The following MFSD6 variants were observed in gnomAD, a reference collection of about 807,000 sequenced individuals.
MFSD6 encodes major facilitator superfamily domain containing 6.
In MFSD6, 26 loss-of-function variants were observed where a neutral mutation model predicts 56.3. That is an observed-to-expected ratio of 0.46 (90% CI 0.34 to 0.64). The LOEUF is 0.64. MFSD6 is among the 30% of genes least tolerant of loss of function. MFSD6 has a pLI of 0.01. For missense variants in MFSD6, 750 were observed against 986.2 expected (o/e 0.76, Z 3.21); for synonymous variants, 331 against 366.9 (o/e 0.90, Z 1.12).
At chr2:190,481,103 G>T (rs770248029) in intron 4 of MFSD6, among the ~76,000 whole-genome samples, 1 of 152,204 alleles carries the variant, frequency 6.6e-6, no homozygotes, top group Non-Finnish European at 1.5e-5. Context: ...GTTCTCATGT[G>T]TGGCTTCAGG....
At position 190,497,500 on chromosome 2, in the gene MFSD6, C is replaced by G; in HGVS notation, c.1953C>G (p.Ile651Met). 2.5e-6 allele frequency: 4 copies of G among 1,614,162 alleles called. No homozygotes were observed. Among genetic ancestry groups the G allele is most frequent in the Non-Finnish European group, 3.4e-6 (4 of 1,180,002 alleles). Residue 651 changes from isoleucine (I) to methionine (M), a missense_variant, in exon 7 of 8, where the codon ATC becomes ATG. By Grantham distance (10) the Ile-to-Met change is conservative. Around this residue, in one of 5 missense-constraint regions of MFSD6, gnomAD observed 172 missense variants for 203.9 expected, o/e 0.84. Transcript: ENST00000392328. This position sits in a 1 kb window ranked among gnomAD's most constrained non-coding sequence, Gnocchi z 5.2. ...CCAGTCCCGTTCCTATAGCAACCAT[C>G]GACTTGGTACAGCAACAGACAGAAG... ...VPSSPVPIATIDLVQQQTEDV... is the reference protein window; with the variant it reads ...VPSSPVPIATMDLVQQQTEDV...
rs145905229 is a variant in MFSD6 at position 190,463,576 on chromosome 2, T to C, written c.1533-6182T>C. Among the ~76,000 whole-genome samples, 340 of 152,234 alleles carry C rather than the reference T, an allele frequency of 2.2e-3. 4 individuals are homozygous for C. Among genetic ancestry groups the C allele is most frequent in the African/African-American group, 7.7e-3 (319 of 41,548 alleles). ...GGCTCATGCCTATAATCCCAGCAAC[T>C]TTGGGAGGCTGAGATAGGAGGATTG... is the stretch of plus-strand genomic sequence containing the variant. On this transcript the variant is annotated intron_variant, in intron 3 of 7. Transcript: ENST00000392328. The surrounding 1 kb of genome is among the most constrained non-coding windows in gnomAD (Gnocchi z 4.4).
At position 190,500,767 on chromosome 2, in the gene MFSD6, A is replaced by T. The variant is rs1240130433; in HGVS notation, c.*549A>T. The T allele has an allele frequency of 6.5e-6, 1 of 152,920 alleles. No individual in the cohort carries two copies. The highest frequency in any genetic ancestry group is 2.4e-5 in the African/African-American group (1 of 41,476). The allele number at this position is 152,920 out of a possible 1,614,324, so 9.5% of individuals were successfully genotyped here. On this transcript the variant is annotated 3_prime_UTR_variant, in exon 8 of 8. Coordinates refer to ENST00000392328, the MANE Select transcript of MFSD6 (RefSeq NM_017694.4). The surrounding 1 kb of genome is among the most constrained non-coding windows in gnomAD (Gnocchi z 5.3). ...TGTTAAAAATAAAGTTAAAAGTTAA[A>T]GTTAAAAAATGAAGTTAAAAGTTTC...
chr2:190,494,505 C>T lies in MFSD6; in HGVS notation c.1892-2934C>T, dbSNP rs890586509. ...TCCTCCCTAAAACATTCTATGAAGC[C>T]AGTATCACCCTAATAACAAAACCAG... is the stretch of plus-strand genomic sequence containing the variant. On this transcript the variant is annotated intron_variant, in intron 6 of 7. Coordinates refer to ENST00000392328, the MANE Select transcript of MFSD6 (RefSeq NM_017694.4). The surrounding 1 kb of genome is among the most constrained non-coding windows in gnomAD (Gnocchi z 5.7). Among the ~76,000 whole-genome samples, 5 of 152,096 alleles carry T rather than the reference C, an allele frequency of 3.3e-5. No homozygotes were observed. Among genetic ancestry groups the T allele is most frequent in the Admixed American group, 2.0e-4 (3 of 15,274 alleles).
rs138561393 is a variant in MFSD6, at chr2:190,487,172, C to G, written c.1631-1485C>G. 9.1e-3 allele frequency among the ~76,000 whole-genome samples: 1,379 copies of G among 152,100 alleles called. 24 individuals are homozygous for G. Among genetic ancestry groups the G allele is most frequent in the Middle Eastern group, 0.051 (15 of 294 alleles). On this transcript the variant is annotated intron_variant, in intron 4 of 7. Coordinates refer to ENST00000392328, the MANE Select transcript of MFSD6 (RefSeq NM_017694.4). This position sits in a 1 kb window ranked among gnomAD's most constrained non-coding sequence, Gnocchi z 5.5. ...CCTGGCCAACGTGGTGAAACCCTGT[C>G]TCTACTAAAAATACAAAAATTAGCT...
In MFSD6 at chr2:190,499,421, T is replaced by C. The variant is rs1056831422; in HGVS notation, c.2173-594T>C. 6.6e-6 allele frequency among the ~76,000 whole-genome samples: 1 copy of C among 152,218 alleles called. No homozygotes were observed. The highest frequency in any genetic ancestry group is 2.1e-4 in the South Asian group (1 of 4,834). Reference sequence around the variant, plus strand: ...ATTGCTGCTGGTGATGTTCTACTCATGGTTATTTACAGTTGGTTACACAAG... The same window carrying C: ...ATTGCTGCTGGTGATGTTCTACTCACGGTTATTTACAGTTGGTTACACAAG... On this transcript the variant is annotated intron_variant, in intron 7 of 7. Coordinates refer to ENST00000392328, the MANE Select transcript of MFSD6 (RefSeq NM_017694.4). The surrounding 1 kb of genome is among the most constrained non-coding windows in gnomAD (Gnocchi z 6.0).
At position 190,472,755 on chromosome 2, in the gene MFSD6, G is replaced by A. The variant is rs922132559; in HGVS notation, c.1630+2900G>A. On this transcript the variant is annotated intron_variant, in intron 4 of 7. Coordinates refer to ENST00000392328, the MANE Select transcript of MFSD6 (RefSeq NM_017694.4). ...TAGAGAAGCCACAAAGATACTCCTCGAGAAGAGCAACTCCAAGACACATAA... is the reference window on the plus strand; with the variant it reads ...TAGAGAAGCCACAAAGATACTCCTCAAGAAGAGCAACTCCAAGACACATAA... 5.3e-5 allele frequency among the ~76,000 whole-genome samples: 8 copies of A among 152,214 alleles called. No homozygotes were observed. The East Asian group carries it at 1.2e-3, about 22-fold the overall frequency.
rs1367585942 is a variant in MFSD6 at position 190,436,573 on chromosome 2, A to G, written c.544A>G (p.Asn182Asp). The stretch of plus-strand genomic sequence containing the variant: ...TCACCAGTTAACTATCCTGCCAACA[A>G]ATTCTTCCTTTACCTCTTTCCTCAC... ...ASHQLTILPT[N>D]SSFTSFLTIS... Residue 182 changes from asparagine to aspartate, a missense_variant, in exon 3 of 8, where the codon AAT becomes GAT. Asn to Asp is a conservative substitution (Grantham distance 23). This residue lies in a region of MFSD6 where 376 missense variants were observed against 437.9 expected (regional missense o/e 0.86). Coordinates refer to ENST00000392328, the MANE Select transcript of MFSD6 (RefSeq NM_017694.4). The surrounding 1 kb of genome is among the most constrained non-coding windows in gnomAD (Gnocchi z 5.3). The G allele has an allele frequency of 6.2e-7, 1 of 1,614,192 alleles. No individual in the cohort carries two copies. The highest frequency in any genetic ancestry group is 1.1e-5 in the South Asian group (1 of 91,078).
At position 190,437,550 on chromosome 2, in the gene MFSD6, C is replaced by T. The variant is rs111906485; in HGVS notation, c.1521C>T (p.Ile507=). ...YFFSHKLIEL[I]GHIRVLYIGL... ...TTAGTCACAAGCTTATTGAATTGAT[C>T]GGCCACATCAGGTAAGAACATGCTT... is the stretch of plus-strand genomic sequence containing the variant. Residue 507 remains isoleucine, a synonymous_variant, in exon 3 of 8, where the codon ATC becomes ATT. Coordinates refer to ENST00000392328, the MANE Select transcript of MFSD6 (RefSeq NM_017694.4). The surrounding 1 kb of genome is among the most constrained non-coding windows in gnomAD (Gnocchi z 5.9). 7.4e-5 allele frequency: 119 copies of T among 1,612,788 alleles called. 1 individual carries two copies. Among genetic ancestry groups the T allele is most frequent in the Admixed American group, 3.3e-4 (20 of 59,960 alleles).
chr2:190,480,798 A>G (rs1204212615), intron 4 of MFSD6, among the ~76,000 whole-genome samples: 1 of 152,250 alleles, frequency 6.6e-6, no homozygotes, highest in Non-Finnish European at 1.5e-5. Context: ...TAATCCATGC[A>G]AAGTATTTAG....
chr2:190,460,826 G>A (rs1166444998), intron 3 of MFSD6, among the ~76,000 whole-genome samples: 1 of 152,160 alleles, frequency 6.6e-6, no homozygotes, highest in East Asian at 1.9e-4. Flanking sequence ...CTGAGAGCTA[G>A]GCAGTGTTGT....
rs1690872228 is a variant in MFSD6 at position 190,418,288 on chromosome 2, C to CA, written c.-54+2877dup. On this transcript the variant is annotated intron_variant, in intron 2 of 7. Coordinates refer to ENST00000392328, the MANE Select transcript of MFSD6 (RefSeq NM_017694.4). This position sits in a 1 kb window ranked among gnomAD's most constrained non-coding sequence, Gnocchi z 4.1. ...GAGTTAATACATGCTAGGTTCATAGCAAGTGTTACTTAAGTGTTATTGTAT... is the reference window on the plus strand; with the variant it reads ...GAGTTAATACATGCTAGGTTCATAGCAAAGTGTTACTTAAGTGTTATTGTAT... Among the ~76,000 whole-genome samples, 1 of 152,142 alleles carries CA rather than the reference C, an allele frequency of 6.6e-6. No individual in the cohort carries two copies.
Position 190,488,888 on chromosome 2 carries a change from T to C in MFSD6, c.1792+70T>C. ...ATGATTTTTTCCAGCAATACCTCAA[T>C]AAACAATCCAATTATTACTGAAGAT... On this transcript the variant is annotated intron_variant, in intron 5 of 7. Transcript: ENST00000392328. This position sits in a 1 kb window ranked among gnomAD's most constrained non-coding sequence, Gnocchi z 6.4. 1.5e-6 allele frequency: 2 copies of C among 1,371,854 alleles called. No individual in the cohort carries two copies. Among genetic ancestry groups the C allele is most frequent in the South Asian group, 1.6e-5 (1 of 63,998 alleles). The allele number at this position is 1,371,854 out of a possible 1,614,324, so 85.0% of individuals were successfully genotyped here. A position where few individuals can be genotyped will look rare whatever the true frequency, so the allele number is the denominator to read the frequency against.
intron 4 of MFSD6, among the ~76,000 whole-genome samples, chr2:190,479,134 G>A (rs925193584): frequency 2.6e-5 from 4 of 152,164 alleles, no homozygotes; most frequent in Non-Finnish European, 5.9e-5. Flanking sequence ...TCTTCCCCAG[G>A]CCTATAGGAA....
rs1422260620 is a variant in MFSD6, at chr2:190,433,139, T to C, written c.-53-2838T>C. Among the ~76,000 whole-genome samples, 6 of 152,198 alleles carry C rather than the reference T, an allele frequency of 3.9e-5. No individual in the cohort carries two copies. Among genetic ancestry groups the C allele is most frequent in the Admixed American group, 2.0e-4 (3 of 15,276 alleles). ...GTGTGTGTATGTTTGGGTGTGTGTG[T>C]GTTTATTGTCATTTTAGTGGGTTCA... On this transcript the variant is annotated intron_variant, in intron 2 of 7. Coordinates refer to ENST00000392328, the MANE Select transcript of MFSD6 (RefSeq NM_017694.4). This position sits in a 1 kb window ranked among gnomAD's most constrained non-coding sequence, Gnocchi z 4.5.
rs1172776004 is a variant in MFSD6 at position 190,488,219 on chromosome 2, C to T, written c.1631-438C>T. Among the ~76,000 whole-genome samples the T allele has an allele frequency of 1.3e-5, 2 of 152,098 alleles. No individual in the cohort carries two copies. The highest frequency in any genetic ancestry group is 4.8e-5 in the African/African-American group (2 of 41,430). ...CCCAGCCACTCAAAAGAATTTAAAT[C>T]AAAGACTCAGATACTTGCATACCAG... On this transcript the variant is annotated intron_variant, in intron 4 of 7. Transcript: ENST00000392328. The surrounding 1 kb of genome is among the most constrained non-coding windows in gnomAD (Gnocchi z 6.4).
Position 190,412,390 on chromosome 2 carries a change from A to G in MFSD6, c.-175-2902A>G, listed in dbSNP as rs979548342. 2 of 984,876 alleles carry G rather than the reference A, an allele frequency of 2.0e-6. No homozygotes were observed. The highest frequency in any genetic ancestry group is 2.4e-6 in the Non-Finnish European group (2 of 829,508). 61.0% of individuals were successfully genotyped at this position (984,876 alleles called of 1,614,324 possible). A position where few individuals can be genotyped will look rare whatever the true frequency, so the allele number is the denominator to read the frequency against. On this transcript the variant is annotated intron_variant, in intron 1 of 7. Coordinates refer to ENST00000392328, the MANE Select transcript of MFSD6 (RefSeq NM_017694.4). The surrounding 1 kb of genome is among the most constrained non-coding windows in gnomAD (Gnocchi z 4.1). ...TTTGGGTTCTAATTATGTTTTAGGC[A>G]GAAGGAAATCTCCATCTTTTAATTT...
chr2:190,415,066 T>G lies in MFSD6; in HGVS notation c.-175-226T>G, dbSNP rs1179465401. Among the ~76,000 whole-genome samples, 1 of 152,236 alleles carries G rather than the reference T, an allele frequency of 6.6e-6. No individual in the cohort carries two copies. Among genetic ancestry groups the G allele is most frequent in the Non-Finnish European group, 1.5e-5 (1 of 68,034 alleles). The stretch of plus-strand genomic sequence containing the variant: ...CCATAACTTATTTAACTGTCCTTAT[T>G]ATTGATCACTTACTTTGTTTCAGTT... On this transcript the variant is annotated intron_variant, in intron 1 of 7. Coordinates refer to ENST00000392328, the MANE Select transcript of MFSD6 (RefSeq NM_017694.4). This position sits in a 1 kb window ranked among gnomAD's most constrained non-coding sequence, Gnocchi z 4.5.
Position 190,437,238 on chromosome 2 carries a change from G to A in MFSD6, c.1209G>A (p.Gly403=). ...ATTTCAAAAACGATGATTCTAAAGG[G>A]AAAGAGGTGGAGATCCCGCAGGTGG... is the stretch of plus-strand genomic sequence containing the variant. ...YNHFKNDDSK[G]KEVEIPQVER... The change falls in exon 3 of 8, where the codon GGG becomes GGA. Residue 403 remains glycine (G), a synonymous_variant. Coordinates refer to ENST00000392328, the MANE Select transcript of MFSD6 (RefSeq NM_017694.4). The surrounding 1 kb of genome is among the most constrained non-coding windows in gnomAD (Gnocchi z 5.9). 1 of 1,614,246 alleles carries A rather than the reference G, an allele frequency of 6.2e-7. No homozygotes were observed.
Sources: allele counts gnomAD v4.1 joint callset (sites outside exome capture counted in the v4.1 genomes callset), GRCh38; gene constraint gnomAD v4.1.1; regional missense constraint gnomAD v4.1.1; non-coding constraint Gnocchi (gnomAD v3.1); transcripts MANE v1.5; gene names NCBI Gene and HGNC (gene_info 2026-07-23, HGNC 2026-07-21).